CES1: variants seen among roughly 807,000 people sequenced by gnomAD.
The protein encoded by CES1 is carboxylesterase 1.
In CES1, 50 loss-of-function variants were observed where a neutral mutation model predicts 53.0. That is an observed-to-expected ratio of 0.94 (90% CI 0.75 to 1.19). The LOEUF (loss-of-function observed/expected upper bound fraction) is 1.19. Ranked by LOEUF, CES1 falls within the 50% of genes most tolerant of loss-of-function variation. The pLI is 0.00. For synonymous variants in CES1, 202 were observed against 210.1 expected (o/e 0.96, Z 0.33); for missense variants, 534 against 538.0 (o/e 0.99, Z 0.07).
In CES1 at chr16:55,819,595, G is replaced by C. The variant is rs574531334; in HGVS notation, c.846C>G (p.Val282=). The C allele has an allele frequency of 5.8e-5, 93 of 1,614,034 alleles. 1 individual carries two copies. Among genetic ancestry groups the C allele is most frequent in the South Asian group, 9.9e-5 (9 of 91,092 alleles). Residue 282 remains valine, a synonymous_variant, in exon 7 of 14, where the codon GTC becomes GTG. Transcript: ENST00000360526. ...TAGCKTTTSA[V]MVHCLRQKTE... ...TCTTCTGTCGCAGGCAGTGAACCAT[G>C]ACAGCAGAGGTGGTGGTTTTGCACC... is the stretch of plus-strand genomic sequence containing the variant.
At chr16:55,827,760 ATATACT>A (rs755161835) in intron 2 of CES1, 11 of 152,230 alleles carry the variant, frequency 7.2e-5, no homozygotes, top group Non-Finnish European at 1.3e-4. Flanking sequence ...TATGCTCATG[ATATACT>A]TATAAATGAG....
In CES1 at chr16:55,817,758, C is replaced by CTG. The variant is rs370816548; in HGVS notation, c.907-798_907-797dup. On this transcript the variant is annotated intron_variant, in intron 7 of 13. Transcript: ENST00000360526. ...TGTATGTGTTTCTCTGTGTGTGTGT[C>CTG]TGTGTGTGTGTGTGTTTGTCTGTGT... 6.7e-3 allele frequency among the ~76,000 whole-genome samples: 970 copies of CTG among 145,794 alleles called. 12 individuals are homozygous for CTG. Among genetic ancestry groups the CTG allele is most frequent in the African/African-American group, 0.024 (884 of 36,816 alleles).
Position 55,820,377 on chromosome 16 carries a change from C to G in CES1, c.796G>C (p.Ala266Pro). The G allele has an allele frequency of 6.4e-7, 1 of 1,573,622 alleles. No homozygotes were observed. Among genetic ancestry groups the G allele is most frequent in the East Asian group, 2.3e-5 (1 of 44,296 alleles). Reference protein sequence around the residue: ...LVKKGDVKPLAEQIAITAGCK... With the variant: ...LVKKGDVKPLPEQIAITAGCK... ...CGTACCAGCCGGAGACCTACCTCAG[C>G]CAAGGGCTTGACATCACCTTTCTTC... Residue 266 changes from alanine to proline, a missense_variant, in exon 6 of 14, where the codon GCT becomes CCT. Ala to Pro is a conservative substitution (Grantham distance 27, BLOSUM62 -1). Coordinates refer to ENST00000360526, the MANE Select transcript of CES1 (RefSeq NM_001025195.2).
At chr16:55,811,869 C>T (rs543088878) in intron 9 of CES1, among the ~76,000 whole-genome samples, 7 of 152,190 alleles carry the variant, frequency 4.6e-5, no homozygotes, top group Non-Finnish European at 8.8e-5. Context: ...CAGTCCCTGT[C>T]GAAAGAGTAG....
At position 55,810,799 on chromosome 16, in the gene CES1, A is replaced by C. The variant is rs573912789; in HGVS notation, c.1170+128T>G. On this transcript the variant is annotated intron_variant, in intron 10 of 13. Coordinates refer to ENST00000360526, the MANE Select transcript of CES1 (RefSeq NM_001025195.2). ...CCGCTAGGGTGGAAAATGAAGTGGG[A>C]AAGGTGGAAAGATGGGGGAAACCCT... The C allele has an allele frequency of 1.8e-5, 26 of 1,414,574 alleles. No homozygotes were observed. In the South Asian group the frequency reaches 3.0e-4, roughly 16 times the overall value. The allele number at this position is 1,414,574 out of a possible 1,614,324, so 87.6% of individuals were successfully genotyped here. A position where few individuals can be genotyped will look rare whatever the true frequency, so the allele number is the denominator to read the frequency against.
intron 3 of CES1, 128 bp downstream of exon 3, chr16:55,826,023 G>A (rs2032400297): frequency 8.4e-7 from 1 of 1,189,038 alleles, no homozygotes; most frequent in East Asian, 2.3e-5. Context: ...TGGAGGCCCT[G>A]GGGTCTCTGA....
chr16:55,819,727 A>G (rs2032095492), intron 6 of CES1, 88 bp from the exon 7 acceptor site: 6 of 1,117,006 alleles, frequency 5.4e-6, no homozygotes, highest in Admixed American at 1.7e-5. Flanking sequence ...CCCAAGCCCA[A>G]CTTGTACTAG....
At chr16:55,814,918 A>T (rs1163700895) in intron 8 of CES1, among the ~76,000 whole-genome samples, 1 of 152,186 alleles carries the variant, frequency 6.6e-6, no homozygotes, top group Non-Finnish European at 1.5e-5. Context: ...CAGCCTCCTT[A>T]AGAGGCTGTG....
intron 1 of CES1, among the ~76,000 whole-genome samples, chr16:55,830,819 A>AAGGCAGGC (rs57294788): frequency 0.012 from 1,571 of 126,938 alleles, 14 homozygotes; most frequent in East Asian, 0.049. Flanking sequence ...GGAAGGAAGG[A>AAGGCAGGC]AGGCAGGCAG....
chr16:55,822,467 A>G (rs1444657449), intron 4 of CES1, among the ~76,000 whole-genome samples: 4 of 152,112 alleles, frequency 2.6e-5, no homozygotes, highest in Non-Finnish European at 4.4e-5. Flanking sequence ...CCAAGGGAGG[A>G]TGTGGCAGCA....
intron 8 of CES1, among the ~76,000 whole-genome samples, chr16:55,813,761 G>A (rs1468805594): frequency 1.3e-5 from 2 of 152,282 alleles, no homozygotes; most frequent in East Asian, 3.9e-4. Flanking sequence ...AGGAACGCCA[G>A]ACAGCAGCGC....
chr16:55,811,897 T>G (rs2031715311), intron 9 of CES1, among the ~76,000 whole-genome samples: 1 of 152,196 alleles, frequency 6.6e-6, no homozygotes, highest in African/African-American at 2.4e-5. Context: ...CTTCAGTGGG[T>G]TCTTCCTGCG....
chr16:55,810,302 CCTTAAAAAAACCA>C, intron 11 of CES1, among the ~76,000 whole-genome samples: 1 of 152,282 alleles, frequency 6.6e-6, no homozygotes, highest in East Asian at 1.9e-4. Context: ...GGGATCATCA[CCTTAAAAAAACCA>C]CTTGCCTCTG....
rs1247138564 is a variant in CES1 at position 55,819,453 on chromosome 16, G to C, written c.906+82C>G. The C allele has an allele frequency of 2.1e-5, 21 of 1,009,750 alleles. 1 individual carries two copies. Among genetic ancestry groups the C allele is most frequent in the Non-Finnish European group, 3.0e-5 (19 of 634,290 alleles). 62.5% of individuals were successfully genotyped at this position (1,009,750 alleles called of 1,614,324 possible). ...AGTTGAGAAATTGTCCCAGGAAACTGTCCCTGGGCAAGAGGACAGCTGAAA... is the reference window on the plus strand; with the variant it reads ...AGTTGAGAAATTGTCCCAGGAAACTCTCCCTGGGCAAGAGGACAGCTGAAA... On this transcript the variant is annotated intron_variant, in intron 7 of 13. Transcript: ENST00000360526.
intron 8 of CES1, among the ~76,000 whole-genome samples, chr16:55,814,163 A>G (rs1341510593): frequency 6.6e-6 from 1 of 152,246 alleles, no homozygotes; most frequent in Non-Finnish European, 1.5e-5. Context: ...CAAGGAGCCT[A>G]GACTAGGACA....
chr16:55,833,060 G>T lies in CES1; in HGVS notation c.-5C>A. Reference sequence around the variant, plus strand: ...GATAAAGGCACGGAGCCACATCGTGGAAGGGCGACAGTTCTCGGGGCCTGC... The same window carrying T: ...GATAAAGGCACGGAGCCACATCGTGTAAGGGCGACAGTTCTCGGGGCCTGC... On this transcript the variant is annotated 5_prime_UTR_variant, in exon 1 of 14. Transcript: ENST00000360526. 3 of 1,560,650 alleles carry T rather than the reference G, an allele frequency of 1.9e-6. 1 individual carries two copies. The South Asian group carries it at 3.4e-5, about 18-fold the overall frequency.
At chr16:55,814,165 A>G (rs1304135397) in intron 8 of CES1, among the ~76,000 whole-genome samples, 2 of 152,236 alleles carry the variant, frequency 1.3e-5, no homozygotes, top group Non-Finnish European at 2.9e-5. Flanking sequence ...AGGAGCCTAG[A>G]CTAGGACATG....
chr16:55,814,790 C>T (rs1330859012), intron 8 of CES1, among the ~76,000 whole-genome samples: 21 of 152,366 alleles, frequency 1.4e-4, no homozygotes, highest in East Asian at 3.9e-4. Flanking sequence ...CAATGAATGA[C>T]GAGCTAGTTC....
chr16:55,813,146 GC>G, intron 8 of CES1, 103 bp from the exon 9 acceptor site: 1 of 1,478,626 alleles, frequency 6.8e-7, no homozygotes, highest in Non-Finnish European at 9.4e-7. Context: ...GACCGGCATG[GC>G]CATGCGCCAT....
Sources: allele counts gnomAD v4.1 joint callset (sites outside exome capture counted in the v4.1 genomes callset), GRCh38; gene constraint gnomAD v4.1.1; transcripts MANE v1.5; gene names NCBI Gene and HGNC (gene_info 2026-07-23, HGNC 2026-07-21).